Variants in SLC4A5 observed in about 807,000 individuals in gnomAD.
The protein encoded by SLC4A5 is electrogenic sodium bicarbonate cotransporter 4.
SLC4A5 carries 96 observed loss-of-function variants against 120.4 expected under a neutral mutation model. The ratio of observed to expected loss-of-function variants is 0.80; its 90% confidence interval spans 0.68 to 0.94. The LOEUF (loss-of-function observed/expected upper bound fraction) is 0.94, where lower values mean the gene tolerates loss of function less well. SLC4A5 is among the 40% of genes least tolerant of loss of function. SLC4A5 has a pLI of 0.00. For synonymous variants in SLC4A5, 550 were observed against 571.1 expected, an observed-to-expected ratio of 0.96 and a Z score of 0.53; for missense variants, 1,259 against 1,459.5, an observed-to-expected ratio of 0.86 and a Z score of 2.24.
Position 74,315,612 on chromosome 2 carries a change from A to C in SLC4A5, c.-2-587T>G, listed in dbSNP as rs183916185. ...GTAAATTTATTATGCTTATATAATA[A>C]TATATATAAAAGTAATATATTATGC... On this transcript the variant is annotated intron_variant, in intron 5 of 30. Transcript: ENST00000394019. Among the ~76,000 whole-genome samples the C allele has an allele frequency of 3.0e-3, 451 of 150,314 alleles. 3 individuals are homozygous for C. The highest frequency in any genetic ancestry group is 0.011 in the African/African-American group (444 of 41,182).
At chr2:74,294,580 A>G (rs1672271361) in intron 7 of SLC4A5, among the ~76,000 whole-genome samples, 1 of 152,112 alleles carries the variant, frequency 6.6e-6, no homozygotes, top group African/African-American at 2.4e-5. Context: ...TAATGATATC[A>G]GTAGGAAGTT....
At chr2:74,225,827 G>C (rs568963539) in intron 27 of SLC4A5, among the ~76,000 whole-genome samples, 1 of 152,194 alleles carries the variant, frequency 6.6e-6, no homozygotes, top group East Asian at 1.9e-4. Flanking sequence ...ATCAATAGGT[G>C]GAGGGTGTGG....
rs371183758 is a variant in SLC4A5, at chr2:74,222,849, C to T, written c.3331+19G>A. The T allele has an allele frequency of 7.3e-5, 115 of 1,581,966 alleles. No homozygotes were observed. Among genetic ancestry groups the T allele is most frequent in the Non-Finnish European group, 9.4e-5 (108 of 1,151,022 alleles). On this transcript the variant is annotated intron_variant, in intron 29 of 30. Coordinates refer to ENST00000394019, the Ensembl canonical transcript of SLC4A5. ...AGGACTAGTAGTAAGAAGGGAGAGA[C>T]ATCATGTGTTTTACTTACTGGCAAT...
At chr2:74,288,683 T>C (rs753436597) in intron 7 of SLC4A5, among the ~76,000 whole-genome samples, 49 of 152,334 alleles carry the variant, frequency 3.2e-4, no homozygotes, top group Non-Finnish European at 4.1e-4. Context: ...TTATTTGTGG[T>C]GTCATTTTAT....
At chr2:74,253,985 T>A (rs1456782267) in intron 14 of SLC4A5, among the ~76,000 whole-genome samples, 1 of 152,168 alleles carries the variant, frequency 6.6e-6, no homozygotes, top group Non-Finnish European at 1.5e-5. Context: ...AAAGTCAACA[T>A]ATAAGAGCAA....
intron 2 of SLC4A5, among the ~76,000 whole-genome samples, chr2:74,340,653 A>G (rs185413340): frequency 1.6e-4 from 24 of 152,198 alleles, no homozygotes; most frequent in South Asian, 6.2e-4. Flanking sequence ...AAGAATCTGT[A>G]AAAGAATCAC....
intron 25 of SLC4A5, among the ~76,000 whole-genome samples, chr2:74,229,853 G>GTTTC (rs1354108679): frequency 1.4e-5 from 2 of 146,328 alleles, no homozygotes; most frequent in Non-Finnish European, 3.0e-5. Flanking sequence ...TTTAGCGTTT[G>GTTTC]TTTCTTACAA....
chr2:74,257,801 C>T (rs1363649964), intron 12 of SLC4A5, among the ~76,000 whole-genome samples: 1 of 152,160 alleles, frequency 6.6e-6, no homozygotes, highest in Non-Finnish European at 1.5e-5. Context: ...TGGTCTCAAA[C>T]TCCTGGCCTC....
At chr2:74,309,511 T>C (rs1426536303) in intron 6 of SLC4A5, among the ~76,000 whole-genome samples, 1 of 152,198 alleles carries the variant, frequency 6.6e-6, no homozygotes, top group Non-Finnish European at 1.5e-5. Context: ...CTGGGTCTTT[T>C]GCCTTACCAT....
intron 7 of SLC4A5, among the ~76,000 whole-genome samples, chr2:74,289,373 G>A (rs1022029355): frequency 6.6e-6 from 1 of 151,746 alleles, no homozygotes; most frequent in Admixed American, 6.6e-5. Flanking sequence ...CTGGAGTGCA[G>A]TGGCACAATC....
chr2:74,332,871 A>T (rs1673395191), intron 4 of SLC4A5, among the ~76,000 whole-genome samples: 2 of 152,096 alleles, frequency 1.3e-5, no homozygotes, highest in Non-Finnish European at 2.9e-5. Context: ...GAGAGAAGAT[A>T]TGGCTACCCC....
At chr2:74,253,190 A>G in intron 14 of SLC4A5, 62 bp from the exon 15 acceptor site, 1 of 1,588,524 alleles carries the variant, frequency 6.3e-7, no homozygotes, top group Non-Finnish European at 8.6e-7. Flanking sequence ...GCCTGGGAGC[A>G]TATCACATCT....
intron 29 of SLC4A5, among the ~76,000 whole-genome samples, chr2:74,222,584 G>A (rs1694688940): frequency 6.6e-6 from 1 of 152,200 alleles, no homozygotes; most frequent in Non-Finnish European, 1.5e-5. Context: ...ATTCTCATAA[G>A]GGTGAGAACC....
At chr2:74,262,693 C>T (rs1251120729) in intron 10 of SLC4A5, among the ~76,000 whole-genome samples, 5 of 147,860 alleles carry the variant, frequency 3.4e-5, no homozygotes, top group Non-Finnish European at 3.0e-5. Flanking sequence ...AGTGAGACTC[C>T]GTCTCAAAAA....
intron 8 of SLC4A5, among the ~76,000 whole-genome samples, chr2:74,278,962 C>A (rs1330239762): frequency 6.6e-6 from 1 of 152,220 alleles, no homozygotes; most frequent in Admixed American, 6.5e-5. Flanking sequence ...CTCCTCAAAC[C>A]ACAGACCGGC....
At chr2:74,326,403 A>G (rs1230338072) in intron 5 of SLC4A5, among the ~76,000 whole-genome samples, 3 of 152,194 alleles carry the variant, frequency 2.0e-5, no homozygotes, top group African/African-American at 7.2e-5. Flanking sequence ...GCATGGCTTT[A>G]CAGTAAGGGA....
intron 7 of SLC4A5, among the ~76,000 whole-genome samples, chr2:74,294,604 G>A (rs570903791): frequency 3.3e-5 from 5 of 152,048 alleles, no homozygotes; most frequent in East Asian, 1.9e-4. Context: ...TCTTGATCCC[G>A]CTTCTTTCAT....
chr2:74,271,087 T>G (rs2104084421), intron 8 of SLC4A5, among the ~76,000 whole-genome samples: 1 of 152,290 alleles, frequency 6.6e-6, no homozygotes, highest in East Asian at 1.9e-4. Context: ...AGATCCTCAT[T>G]GAGCAGGTCT....
At chr2:74,238,755 AACATACAAGAAT>A (rs1172659036) in intron 21 of SLC4A5, among the ~76,000 whole-genome samples, 1 of 152,230 alleles carries the variant, frequency 6.6e-6, no homozygotes, top group Non-Finnish European at 1.5e-5. Flanking sequence ...TTTAGAAGGT[AACATACAAGAAT>A]ATCTGCTGTC....
Sources: gnomAD v4.1 joint callset for allele counts (sites outside exome capture counted in the v4.1 genomes callset) on GRCh38, gnomAD v4.1.1 for gene constraint, MANE v1.5 for transcripts, NCBI Gene and HGNC (gene_info 2026-07-23, HGNC 2026-07-21) for gene names.